UBN2: variants seen among roughly 807,000 people sequenced by gnomAD.
The protein encoded by UBN2 is ubinuclein 2, also known as ubinuclein-2.
In UBN2, 35 loss-of-function variants were observed where a neutral mutation model predicts 120.2. The ratio of observed to expected loss-of-function variants is 0.29; its 90% CI spans 0.22 to 0.39. UBN2 has a LOEUF of 0.39. UBN2 is among the 10% of genes least tolerant of loss of function. The pLI is 1.00. For synonymous variants in UBN2, 661 were observed against 648.7 expected, an observed-to-expected ratio of 1.02 and a Z score of -0.29; for missense variants, 1,693 against 1,663.2, an observed-to-expected ratio of 1.02 and a Z score of -0.31.
intron 17 of UBN2, among the ~76,000 whole-genome samples, chr7:139,297,203 A>AG (rs1798134787): frequency 6.6e-6 from 1 of 151,568 alleles, no homozygotes; most frequent in South Asian, 2.1e-4. Flanking sequence ...CAAAAAAAAA[A>AG]AAAAAAAAGG....
chr7:139,274,176 A>G, intron 11 of UBN2, 102 bp downstream of exon 11: 6 of 1,200,094 alleles, frequency 5.0e-6, no homozygotes, highest in Non-Finnish European at 6.7e-6. Context: ...TTTGCTAAGA[A>G]CCTAATATAT....
At position 139,245,336 on chromosome 7, in the gene UBN2, A is replaced by G. The variant is rs537215956; in HGVS notation, c.562-6620A>G. Among the ~76,000 whole-genome samples, 9 of 152,266 alleles carry G rather than the reference A, an allele frequency of 5.9e-5. No individual in the cohort carries two copies. In the South Asian group the frequency reaches 1.9e-3, roughly 32 times the overall value. On this transcript the variant is annotated intron_variant, in intron 2 of 17. Coordinates refer to ENST00000473989, the MANE Select transcript of UBN2 (RefSeq NM_173569.4). ...AATTGATATGCTTTGTGAAGACCTT[A>G]TACCTGTAAGATCATTTTGAGGGGA...
intron 14 of UBN2, 116 bp from the exon 15 acceptor site, chr7:139,282,908 G>C: frequency 1.0e-6 from 1 of 990,834 alleles, no homozygotes; most frequent in Non-Finnish European, 1.4e-6. Context: ...AGTCTCTGAA[G>C]ATTTCCAGTA....
intron 7 of UBN2, 27 bp downstream of exon 7, chr7:139,266,430 ACCTT>A: frequency 1.0e-5 from 14 of 1,336,028 alleles, no homozygotes; most frequent in East Asian, 2.3e-5. Context: ...AAAAAAAAAA[ACCTT>A]AAGAATGATA....
intron 2 of UBN2, among the ~76,000 whole-genome samples, chr7:139,251,245 A>G (rs776997116): frequency 6.6e-6 from 1 of 152,228 alleles, no homozygotes; most frequent in Non-Finnish European, 1.5e-5. Flanking sequence ...AAGACAATAC[A>G]GAGAGTTCCC....
intron 1 of UBN2, among the ~76,000 whole-genome samples, chr7:139,232,526 G>A (rs1453968133): frequency 6.6e-6 from 1 of 152,210 alleles, no homozygotes; most frequent in Non-Finnish European, 1.5e-5. Flanking sequence ...GGTTTTCAGA[G>A]ACTAAGGATC....
intron 10 of UBN2, 108 bp downstream of exon 10, chr7:139,273,518 T>G (rs1797351394): frequency 4.1e-6 from 3 of 727,712 alleles, no homozygotes; most frequent in Non-Finnish European, 6.3e-6. Flanking sequence ...AACCAAAGAT[T>G]AGTGTGTAGG....
the UBN2 span, among the ~76,000 whole-genome samples, chr7:139,320,610 C>A: frequency 6.6e-6 from 1 of 152,144 alleles, no homozygotes; most frequent in Non-Finnish European, 1.5e-5. Context: ...GTAATCCCAA[C>A]ACTTTGGGAG....
In UBN2 at chr7:139,252,589, C is replaced by T. The variant is rs546989210; in HGVS notation, c.663+532C>T. ...GCTTGCAAGCTGTTTGAAAACAAGC[C>T]GGTGGGCTGGATTTGGCCAGTGCAT... On this transcript the variant is annotated intron_variant, in intron 3 of 17. Coordinates refer to ENST00000473989, the MANE Select transcript of UBN2 (RefSeq NM_173569.4). Among the ~76,000 whole-genome samples the T allele has an allele frequency of 6.6e-5, 10 of 152,048 alleles. No individual in the cohort carries two copies. The East Asian group carries it at 1.5e-3, about 23-fold the overall frequency.
the UBN2 span, among the ~76,000 whole-genome samples, chr7:139,328,365 GAT>G: frequency 6.6e-6 from 1 of 152,188 alleles, no homozygotes; most frequent in Admixed American, 6.5e-5. Context: ...GCAAGGGGGA[GAT>G]CCACCCCCAT....
At chr7:139,259,007 T>C (rs1796847573) in intron 4 of UBN2, among the ~76,000 whole-genome samples, 1 of 152,216 alleles carries the variant, frequency 6.6e-6, no homozygotes, top group South Asian at 2.1e-4. Context: ...TAAGTGTTTC[T>C]TGAAGTGTGG....
rs75284225 is a variant in UBN2, at chr7:139,295,387, C to G, written c.3994+1406C>G. Among the ~76,000 whole-genome samples, 74 of 152,244 alleles carry G rather than the reference C, an allele frequency of 4.9e-4. No homozygotes were observed. The East Asian group carries it at 0.012, about 25-fold the overall frequency. On this transcript the variant is annotated intron_variant, in intron 17 of 17. Coordinates refer to ENST00000473989, the MANE Select transcript of UBN2 (RefSeq NM_173569.4). ...TCCCTGTGACTAAAGCATGTCCCCC[C>G]CTGGGTGTAGACAGCTGCTTGGTAT...
chr7:139,279,129 T>C (rs966399430), intron 12 of UBN2, among the ~76,000 whole-genome samples, 189 bp from the exon 13 acceptor site: 3 of 152,192 alleles, frequency 2.0e-5, no homozygotes, highest in African/African-American at 4.8e-5. Flanking sequence ...GTTTGGCCTT[T>C]CAATTAATCT....
At chr7:139,269,369 C>A (rs762063105) in intron 7 of UBN2, 25 bp from the exon 8 acceptor site, 7 of 1,612,062 alleles carry the variant, frequency 4.3e-6, no homozygotes, top group Non-Finnish European at 5.9e-6. Context: ...CTATACTGTT[C>A]ATTGTTGTTA....
chr7:139,276,047 T>C (rs77129794), intron 11 of UBN2, 50 bp from the exon 12 acceptor site: 78,870 of 1,411,170 alleles, frequency 0.056, 5,156 homozygotes, highest in Admixed American at 0.29. Context: ...ACAATTATGT[T>C]ACTATCTGCT....
intron 12 of UBN2, 117 bp from the exon 13 acceptor site, chr7:139,279,201 A>G: frequency 2.4e-6 from 2 of 824,950 alleles, no homozygotes; most frequent in Non-Finnish European, 3.9e-6. Context: ...CGGTTCCTTC[A>G]AAGAGCTTTC....
chr7:139,275,594 AC>A (rs1206294622), intron 11 of UBN2, among the ~76,000 whole-genome samples: 3 of 151,972 alleles, frequency 2.0e-5, no homozygotes, highest in African/African-American at 4.8e-5. Flanking sequence ...AAAAAAAAAA[AC>A]GAGTTAAGTA....
intron 13 of UBN2, 46 bp from the exon 14 acceptor site, chr7:139,281,959 T>C: frequency 6.4e-7 from 1 of 1,573,734 alleles, no homozygotes; most frequent in Non-Finnish European, 8.7e-7. Flanking sequence ...CTAAGGAAGT[T>C]AGAGTGTAAC....
rs1257192346 is a variant in UBN2 at position 139,231,875 on chromosome 7, C to T, written c.391C>T (p.Leu131=). 3 of 1,575,224 alleles carry T rather than the reference C, an allele frequency of 1.9e-6. No homozygotes were observed. Among genetic ancestry groups the T allele is most frequent in the East Asian group, 5.0e-5 (2 of 39,984 alleles). The change falls in exon 1 of 18, where the codon CTG becomes TTG. Residue 131 remains leucine (L), a synonymous_variant. Coordinates refer to ENST00000473989, the MANE Select transcript of UBN2 (RefSeq NM_173569.4). ...GCCGAGGGAGACGGTGCGCCTGGAG[C>T]TGGTGCTTAAGGACCCCACCGACGA... ...RPPRETVRLE[L]VLKDPTDESC...
Sources: allele counts gnomAD v4.1 joint callset (sites outside exome capture counted in the v4.1 genomes callset), GRCh38; gene constraint gnomAD v4.1.1; transcripts MANE v1.5; gene names NCBI Gene and HGNC (gene_info 2026-07-23, HGNC 2026-07-21).